RBMS2: variants seen among roughly 807,000 people sequenced by gnomAD.
RBMS2 encodes RNA binding motif single stranded interacting protein 2, also known as RNA-binding motif, single-stranded-interacting protein 2.
RBMS2 carries 38 observed loss-of-function variants against 58.4 expected under a neutral mutation model. The ratio of observed to expected loss-of-function variants is 0.65; its 90% CI spans 0.50 to 0.85. RBMS2 has a LOEUF of 0.85. Among genes scored for constraint, RBMS2 ranks in the 40% least tolerant of loss-of-function variants. The probability of loss-of-function intolerance (pLI) is 0.00; values close to 1 mark genes in which losing one functional copy is unlikely to be tolerated. For missense variants in RBMS2, 367 were observed against 503.7 expected (o/e 0.73, Z 2.60); for synonymous variants, 151 against 180.7 (o/e 0.84, Z 1.32).
intron 5 of RBMS2, among the ~76,000 whole-genome samples, chr12:56,577,023 A>G (rs1883218479): frequency 6.8e-6 from 1 of 147,024 alleles, no homozygotes; most frequent in Admixed American, 6.8e-5. Context: ...CCTGGATGAC[A>G]GAGTGAGATT....
intron 5 of RBMS2, among the ~76,000 whole-genome samples, chr12:56,577,651 G>T (rs977716772): frequency 6.0e-5 from 9 of 151,004 alleles, no homozygotes; most frequent in African/African-American, 1.7e-4. Flanking sequence ...ATTTTTTGGT[G>T]GGGGGATGGT....
At chr12:56,559,599 C>T (rs1246993029) in intron 1 of RBMS2, among the ~76,000 whole-genome samples, 7 of 150,380 alleles carry the variant, frequency 4.7e-5, no homozygotes, top group Non-Finnish European at 7.4e-5. Context: ...TGCCTGTAAT[C>T]CTAGCACTTT....
intron 1 of RBMS2, among the ~76,000 whole-genome samples, chr12:56,561,541 C>G (rs1022183452): frequency 6.6e-5 from 10 of 152,102 alleles, no homozygotes; most frequent in Non-Finnish European, 8.8e-5. Context: ...GAGTCTCGCC[C>G]TATCACCCAG....
chr12:56,530,007 TC>T (rs1873403417), intron 1 of RBMS2, among the ~76,000 whole-genome samples: 1 of 152,146 alleles, frequency 6.6e-6, no homozygotes, highest in African/African-American at 2.4e-5. Flanking sequence ...ACTCCTGAGC[TC>T]AAGGGATCCT....
chr12:56,564,094 C>T (rs1246666241), intron 2 of RBMS2, among the ~76,000 whole-genome samples: 4 of 150,994 alleles, frequency 2.6e-5, no homozygotes, highest in African/African-American at 4.9e-5. Flanking sequence ...ATTATAGGCG[C>T]ACGCCACCAC....
chr12:56,542,131 C>T (rs1303028258), intron 1 of RBMS2, among the ~76,000 whole-genome samples: 1 of 152,086 alleles, frequency 6.6e-6, no homozygotes, highest in African/African-American at 2.4e-5. Flanking sequence ...ACTACAGCCT[C>T]AACCTCTGTG....
intron 1 of RBMS2, among the ~76,000 whole-genome samples, chr12:56,533,126 G>A (rs1328978093): frequency 1.3e-5 from 2 of 151,780 alleles, no homozygotes; most frequent in African/African-American, 4.8e-5. Flanking sequence ...GTGGAGACAG[G>A]GTCTCACTCT....
chr12:56,558,745 G>A (rs952096755), intron 1 of RBMS2, among the ~76,000 whole-genome samples: 91 of 147,442 alleles, frequency 6.2e-4, no homozygotes, highest in African/African-American at 2.2e-3. Context: ...ACAGGTGTGT[G>A]CCACCATGCA....
chr12:56,579,871 A>T (rs1005205816), intron 5 of RBMS2, among the ~76,000 whole-genome samples: 1 of 152,058 alleles, frequency 6.6e-6, no homozygotes, highest in African/African-American at 2.4e-5. Context: ...GGGTAGATGG[A>T]TGTTATCTCT....
At chr12:56,562,626 G>C in intron 2 of RBMS2, 43 bp downstream of exon 2, 1 of 1,582,872 alleles carries the variant, frequency 6.3e-7, no homozygotes, top group South Asian at 1.1e-5. Flanking sequence ...GGACAGTATA[G>C]ATTTGGTTTT....
At chr12:56,539,849 T>G in intron 1 of RBMS2, 1 of 263,310 alleles carries the variant, frequency 3.8e-6, no homozygotes, top group Non-Finnish European at 7.6e-6. Context: ...ACATAAACCT[T>G]CTAAAAACTG....
At chr12:56,539,305 C>T (rs769781502) in intron 1 of RBMS2, among the ~76,000 whole-genome samples, 19 of 152,176 alleles carry the variant, frequency 1.2e-4, no homozygotes, top group Non-Finnish European at 2.2e-4. Context: ...GCGTGAGCCA[C>T]TGCGCCCAGC....
At chr12:56,579,273 C>A (rs1438626332) in intron 5 of RBMS2, among the ~76,000 whole-genome samples, 1 of 152,160 alleles carries the variant, frequency 6.6e-6, no homozygotes, top group East Asian at 1.9e-4. Context: ...CAACAGAAGA[C>A]CACAGCTCTA....
chr12:56,581,326 A>G (rs1883912958), intron 6 of RBMS2, 63 bp downstream of exon 6: 1 of 1,589,802 alleles, frequency 6.3e-7, no homozygotes, highest in Non-Finnish European at 8.6e-7. Context: ...AAGATTCTGG[A>G]GCAGCTTTGC....
rs1822552646 is a variant in RBMS2, at chr12:56,594,404, G to C, written c.*5271G>C. On this transcript the variant is annotated 3_prime_UTR_variant, in exon 14 of 14. Coordinates refer to ENST00000262031, the MANE Select transcript of RBMS2 (RefSeq NM_002898.4). ...CTTGCCCCTAGGCTCTGCTAGCCCT[G>C]AATCAGCAGGCTTCAGAGACGAGGG... The C allele has an allele frequency of 6.6e-6, 1 of 152,232 alleles. No homozygotes were observed. Among genetic ancestry groups the C allele is most frequent in the Non-Finnish European group, 1.5e-5 (1 of 68,038 alleles). The allele number at this position is 152,232 out of a possible 1,614,324, so 9.4% of individuals were successfully genotyped here. A position where few individuals can be genotyped will look rare whatever the true frequency, so the allele number is the denominator to read the frequency against.
chr12:56,564,847 A>C (rs1454281844), intron 2 of RBMS2, among the ~76,000 whole-genome samples: 1 of 152,034 alleles, frequency 6.6e-6, no homozygotes. Flanking sequence ...GGTGGTGGGC[A>C]CCTGTAGTCC....
intron 12 of RBMS2, 33 bp from the exon 13 acceptor site, chr12:56,588,899 G>A (rs200897566): frequency 1.3e-5 from 21 of 1,609,340 alleles, no homozygotes; most frequent in Middle Eastern, 1.7e-4. Context: ...AAAGGAATGC[G>A]CAAGATGACC....
chr12:56,536,551 C>A lies in RBMS2; in HGVS notation c.66+14462C>A, dbSNP rs1397658294. On this transcript the variant is annotated intron_variant, in intron 1 of 13. Transcript: ENST00000262031. ...TTCTTTTCTCTCTTTCTCTCCTTCTCTCCTTCTTTCTTTTTTTTTTTTGTT... is the reference window on the plus strand; with the variant it reads ...TTCTTTTCTCTCTTTCTCTCCTTCTATCCTTCTTTCTTTTTTTTTTTTGTT... 4.0e-5 allele frequency among the ~76,000 whole-genome samples: 6 copies of A among 150,176 alleles called. No individual in the cohort carries two copies. The East Asian group carries it at 9.8e-4, about 24-fold the overall frequency.
chr12:56,578,498 G>T (rs1167096500), intron 5 of RBMS2, among the ~76,000 whole-genome samples: 2 of 152,132 alleles, frequency 1.3e-5, no homozygotes, highest in African/African-American at 4.8e-5. Context: ...GTTTTGTTTT[G>T]TTTAGATTTT....
Sources: gnomAD v4.1 joint callset for allele counts (sites outside exome capture counted in the v4.1 genomes callset) on GRCh38, gnomAD v4.1.1 for gene constraint, MANE v1.5 for transcripts, NCBI Gene and HGNC (gene_info 2026-07-23, HGNC 2026-07-21) for gene names.